CSTL1: variants seen among roughly 807,000 people sequenced by gnomAD.
CSTL1 encodes cystatin like 1, also known as cystatin-like 1.
Under a neutral mutation model 14.4 loss-of-function variants are expected in CSTL1, and 14 were observed. That is an observed-to-expected ratio of 0.97 (90% CI 0.64 to 1.52). CSTL1 has a LOEUF of 1.52. CSTL1 is among the 40% of genes most tolerant of loss of function. CSTL1 has a pLI of 0.00. For missense variants in CSTL1, 170 were observed against 168.7 expected, an observed-to-expected ratio of 1.01 and a Z score of -0.04; for synonymous variants, 72 against 67.5, an observed-to-expected ratio of 1.07 and a Z score of -0.33.
In CSTL1 at chr20:23,440,298, C is replaced by A. The variant is rs1986795955; in HGVS notation, c.31C>A (p.Leu11Met). The A allele has an allele frequency of 6.2e-7, 1 of 1,614,068 alleles. No homozygotes were observed. Among genetic ancestry groups the A allele is most frequent in the African/African-American group, 1.3e-5 (1 of 74,916 alleles). The change falls in exon 2 of 4, where the codon CTG becomes ATG. Residue 11 changes from leucine (L) to methionine (M), a missense_variant. Physicochemically the swap from Leu to Met is conservative, Grantham distance 15 (BLOSUM62 2). Transcript: ENST00000347397. ...GATCGGATGCTGGAGAAACCCCCTG[C>A]TGCTGCTGATTGCCCTGGTCCTGTC... MGIGCWRNPL[L>M]LLIALVLSAK...
the CSTL1 span, among the ~76,000 whole-genome samples, chr20:23,453,642 C>T: frequency 2.6e-5 from 4 of 152,104 alleles, no homozygotes; most frequent in Non-Finnish European, 4.4e-5. Context: ...CGGTTATGTT[C>T]GATTCCTAGA....
chr20:23,455,567 G>A, the CSTL1 span, among the ~76,000 whole-genome samples: 311 of 152,320 alleles, frequency 2.0e-3, 1 homozygote, highest in Non-Finnish European at 3.7e-3. Flanking sequence ...TGTCTGTGGG[G>A]TCTGACTGTG....
At chr20:23,449,545 AC>A (rs1354807755), downstream of CSTL1, among the ~76,000 whole-genome samples, 1 of 152,088 alleles carries the variant, frequency 6.6e-6, no homozygotes, top group Non-Finnish European at 1.5e-5. Context: ...AGGAGGACAC[AC>A]CTAACCCATT....
the CSTL1 span, chr20:23,452,867 G>A: frequency 4.4e-6 from 6 of 1,373,442 alleles, no homozygotes; most frequent in Admixed American, 3.9e-5. Flanking sequence ...GGGACAAGTC[G>A]AATCACACTG....
the CSTL1 span, among the ~76,000 whole-genome samples, chr20:23,454,581 C>T: frequency 1.8e-4 from 28 of 152,308 alleles, no homozygotes; most frequent in African/African-American, 5.8e-4. Flanking sequence ...TTGGCATCAC[C>T]ACAGAGCGAA....
downstream of CSTL1, among the ~76,000 whole-genome samples, chr20:23,446,640 C>T (rs1194550635): frequency 6.6e-6 from 1 of 152,212 alleles, no homozygotes; most frequent in East Asian, 1.9e-4. Context: ...CTCCCATGTT[C>T]TGATGGCTGC....
In CSTL1 at chr20:23,443,968, A is replaced by C. The variant is rs773274192; in HGVS notation, c.254A>C (p.Lys85Thr). ...GGAGTGGAGTATATAGTCACTGTGA[A>C]GATTGGCTGGACCAAATGCAAGAGG... is the stretch of plus-strand genomic sequence containing the variant. ...TTGVEYIVTV[K>T]IGWTKCKRND... is the part of the protein sequence containing the mutation. The change falls in exon 3 of 4, where the codon AAG becomes ACG. Residue 85 changes from lysine to threonine, a missense_variant. Lys to Thr is a moderately conservative substitution (Grantham distance 78). Transcript: ENST00000347397. The C allele has an allele frequency of 1.2e-5, 19 of 1,614,188 alleles. No individual in the cohort carries two copies. In the Admixed American group the frequency reaches 3.2e-4, roughly 27 times the overall value.
downstream of CSTL1, among the ~76,000 whole-genome samples, chr20:23,447,127 A>T (rs78128712): frequency 0.02 from 3,120 of 152,236 alleles, 110 homozygotes; most frequent in African/African-American, 0.071. Flanking sequence ...CTTTTTCTCC[A>T]CTTTATAGAT....
chr20:23,446,975 C>A (rs915394378), downstream of CSTL1, among the ~76,000 whole-genome samples: 3 of 152,144 alleles, frequency 2.0e-5, no homozygotes, highest in African/African-American at 7.2e-5. Context: ...ACAACCTCCC[C>A]ACAAACGTCA....
the CSTL1 span, chr20:23,451,891 A>T: frequency 6.2e-7 from 1 of 1,613,686 alleles, no homozygotes; most frequent in Admixed American, 1.7e-5. Context: ...GCATTTCCAC[A>T]TTCAGGTGAT....
chr20:23,451,915 A>G, the CSTL1 span: 2 of 1,613,516 alleles, frequency 1.2e-6, no homozygotes. Context: ...CCAGGTGGTC[A>G]GTGACCTGTG....
the CSTL1 span, among the ~76,000 whole-genome samples, chr20:23,455,586 C>A: frequency 6.6e-6 from 1 of 152,220 alleles, no homozygotes; most frequent in Non-Finnish European, 1.5e-5. Context: ...TGGATCCCCT[C>A]CCATGTGTGC....
Position 23,440,431 on chromosome 20 carries a change from C to G in CSTL1, c.164C>G (p.Ala55Gly). The G allele has an allele frequency of 6.2e-7, 1 of 1,614,084 alleles. No homozygotes were observed. Among genetic ancestry groups the G allele is most frequent in the Non-Finnish European group, 8.5e-7 (1 of 1,179,956 alleles). The change falls in exon 2 of 4, where the codon GCC becomes GGC. Residue 55 changes from alanine (A) to glycine (G), a missense_variant. Physicochemically the swap from Ala to Gly is moderately conservative, Grantham distance 60 (BLOSUM62 0). Transcript: ENST00000347397. ...LNFFIQSYNN[A>G]SNDTYLYRVQ... The stretch of plus-strand genomic sequence containing the variant: ...TTCTTCATTCAATCCTACAACAATG[C>G]CAGCAACGACACCTACTTATATCGA...
chr20:23,446,944 T>C (rs985877556), downstream of CSTL1, among the ~76,000 whole-genome samples: 1 of 151,972 alleles, frequency 6.6e-6, no homozygotes, highest in Non-Finnish European at 1.5e-5. Flanking sequence ...GTGGAATTCC[T>C]GCGCAAAAAA....
At chr20:23,447,284 TA>T (rs1986986867), downstream of CSTL1, among the ~76,000 whole-genome samples, 1 of 152,226 alleles carries the variant, frequency 6.6e-6, no homozygotes, top group Non-Finnish European at 1.5e-5. Context: ...TGGTCGTGTG[TA>T]GTTATAGTTC....
At chr20:23,443,739 T>G (rs1056297004) in intron 2 of CSTL1, among the ~76,000 whole-genome samples, 195 bp from the exon 3 acceptor site, 4 of 152,142 alleles carry the variant, frequency 2.6e-5, no homozygotes, top group African/African-American at 4.8e-5. Flanking sequence ...AACCAACCTA[T>G]GACCAGGGGC....
the CSTL1 span, among the ~76,000 whole-genome samples, chr20:23,453,659 G>A: frequency 6.6e-6 from 1 of 152,170 alleles, no homozygotes; most frequent in Non-Finnish European, 1.5e-5. Flanking sequence ...TAGAAGGCCT[G>A]TTATGGTGTC....
intron 2 of CSTL1, among the ~76,000 whole-genome samples, chr20:23,441,506 A>T (rs1477403404): frequency 6.6e-6 from 1 of 152,204 alleles, no homozygotes. Context: ...GGATGCCCAC[A>T]TCCATGGATT....
chr20:23,445,234 T>TC (rs1187709108), downstream of CSTL1, among the ~76,000 whole-genome samples: 2 of 125,634 alleles, frequency 1.6e-5, no homozygotes, highest in Non-Finnish European at 3.5e-5. Context: ...TTTCTTTCTT[T>TC]TTTTTTTTTT....
Sources: allele counts gnomAD v4.1 joint callset (sites outside exome capture counted in the v4.1 genomes callset), GRCh38; gene constraint gnomAD v4.1.1; transcripts MANE v1.5; gene names NCBI Gene and HGNC (gene_info 2026-07-23, HGNC 2026-07-21).